The following SPOCK1 variants were observed in gnomAD, a reference collection of about 807,000 sequenced individuals.
SPOCK1 encodes SPARC (osteonectin), cwcv and kazal like domains proteoglycan 1.
Under a neutral mutation model 55.3 loss-of-function variants are expected in SPOCK1, and 23 were observed. The observed-to-expected ratio is 0.42, with a 90% CI of 0.30 to 0.59. The LOEUF is 0.59. Among genes scored for constraint, SPOCK1 ranks in the 20% least tolerant of loss-of-function variants. The probability of loss-of-function intolerance (pLI) is 0.22; values close to 1 mark genes in which losing one functional copy is unlikely to be tolerated. For synonymous variants in SPOCK1, 226 were observed against 221.0 expected (o/e 1.02, Z -0.20); for missense variants, 499 against 552.5 (o/e 0.90, Z 0.97).
At chr5:137,384,535 T>C (rs932962071) in intron 2 of SPOCK1, among the ~76,000 whole-genome samples, 1 of 150,958 alleles carries the variant, frequency 6.6e-6, no homozygotes, top group Admixed American at 6.6e-5. Context: ...TGCATGCATA[T>C]GTATATATAC....
At chr5:137,286,955 G>A (rs77663885) in intron 2 of SPOCK1, among the ~76,000 whole-genome samples, 8,604 of 152,242 alleles carry the variant, frequency 0.057, 399 homozygotes, top group African/African-American at 0.12. Flanking sequence ...CTTTACAAGA[G>A]CTTATTAAAA....
At chr5:137,432,513 ATGC>A (rs1752769701) in intron 2 of SPOCK1, among the ~76,000 whole-genome samples, 2 of 152,226 alleles carry the variant, frequency 1.3e-5, no homozygotes, top group Non-Finnish European at 2.9e-5. Context: ...ACAAAGACAG[ATGC>A]TGTTAGGATT....
At chr5:137,363,198 C>T (rs1017476269) in intron 2 of SPOCK1, among the ~76,000 whole-genome samples, 1 of 152,192 alleles carries the variant, frequency 6.6e-6, no homozygotes, top group Admixed American at 6.5e-5. Flanking sequence ...TAAGTACCTA[C>T]CTAGCTCTCC....
At chr5:137,082,262 G>C (rs1456075562) in intron 5 of SPOCK1, among the ~76,000 whole-genome samples, 1 of 152,260 alleles carries the variant, frequency 6.6e-6, no homozygotes, top group Non-Finnish European at 1.5e-5. Flanking sequence ...GACATCTGAT[G>C]TGGGAAGGCA....
At chr5:137,275,899 T>C (rs927252221) in intron 2 of SPOCK1, among the ~76,000 whole-genome samples, 8 of 152,130 alleles carry the variant, frequency 5.3e-5, no homozygotes, top group African/African-American at 1.9e-4. Flanking sequence ...ACAACTCCCC[T>C]CTCCTCTGCC....
intron 2 of SPOCK1, among the ~76,000 whole-genome samples, chr5:137,436,666 T>G (rs546831281): frequency 6.6e-6 from 1 of 152,270 alleles, no homozygotes; most frequent in East Asian, 1.9e-4. Flanking sequence ...GAGATGCTGA[T>G]TGGAATGGGG....
At chr5:137,472,698 G>A (rs1753759913) in intron 2 of SPOCK1, among the ~76,000 whole-genome samples, 1 of 152,128 alleles carries the variant, frequency 6.6e-6, no homozygotes, top group African/African-American at 2.4e-5. Flanking sequence ...GCGTAACACA[G>A]GGAACAACCC....
intron 6 of SPOCK1, among the ~76,000 whole-genome samples, chr5:137,066,987 C>CACACACAGAGAGAGAG (rs1343691789): frequency 8.6e-5 from 12 of 139,660 alleles, no homozygotes; most frequent in Admixed American, 1.5e-4. Context: ...CACACACACA[C>CACACACAGAGAGAGAG]AGAGAGAGAG....
At chr5:137,497,614 G>T (rs1470092626) in intron 2 of SPOCK1, among the ~76,000 whole-genome samples, 2 of 152,174 alleles carry the variant, frequency 1.3e-5, no homozygotes, top group Non-Finnish European at 2.9e-5. Context: ...CACCTGGGGA[G>T]TGGCAGCCAG....
At chr5:137,198,177 A>T (rs1000270638) in intron 3 of SPOCK1, among the ~76,000 whole-genome samples, 1 of 152,256 alleles carries the variant, frequency 6.6e-6, no homozygotes, top group Admixed American at 6.5e-5. Flanking sequence ...ATTCTATTCT[A>T]TAAAAGTATC....
intron 3 of SPOCK1, among the ~76,000 whole-genome samples, chr5:137,189,670 T>C (rs949004333): frequency 6.6e-6 from 1 of 152,212 alleles, no homozygotes; most frequent in African/African-American, 2.4e-5. Flanking sequence ...ACCCTTTTTG[T>C]AGGCCACGGA....
intron 2 of SPOCK1, among the ~76,000 whole-genome samples, chr5:137,434,752 C>A (rs1016569914): frequency 6.6e-6 from 1 of 151,952 alleles, no homozygotes; most frequent in Non-Finnish European, 1.5e-5. Context: ...CTGCCCGCCT[C>A]GGCCTCCCAA....
At chr5:137,376,572 T>G (rs1751323341) in intron 2 of SPOCK1, among the ~76,000 whole-genome samples, 1 of 152,210 alleles carries the variant, frequency 6.6e-6, no homozygotes, top group African/African-American at 2.4e-5. Flanking sequence ...GGAAATTATA[T>G]CCACCATACA....
At chr5:137,326,691 A>G (rs1333946404) in intron 2 of SPOCK1, among the ~76,000 whole-genome samples, 1 of 152,248 alleles carries the variant, frequency 6.6e-6, no homozygotes, top group Non-Finnish European at 1.5e-5. Flanking sequence ...AGAATGTGCC[A>G]AGATCTTGTT....
intron 3 of SPOCK1, among the ~76,000 whole-genome samples, chr5:137,215,222 T>C (rs1269058330): frequency 1.3e-5 from 2 of 152,222 alleles, no homozygotes; most frequent in Non-Finnish European, 2.9e-5. Flanking sequence ...AAAACAGGTA[T>C]ATTCCTTCCA....
At chr5:137,037,707 AC>A (rs1751910909) in intron 6 of SPOCK1, among the ~76,000 whole-genome samples, 1 of 152,132 alleles carries the variant, frequency 6.6e-6, no homozygotes, top group Non-Finnish European at 1.5e-5. Flanking sequence ...GGAGTCGCTA[AC>A]CTAAAAAAAA....
intron 6 of SPOCK1, among the ~76,000 whole-genome samples, chr5:136,999,679 G>T (rs1301759683): frequency 6.6e-6 from 1 of 152,156 alleles, no homozygotes. Context: ...TGGGAGATGA[G>T]ATAAAAAATG....
intron 3 of SPOCK1, among the ~76,000 whole-genome samples, chr5:137,148,371 C>T (rs994199789): frequency 6.6e-5 from 10 of 152,200 alleles, no homozygotes; most frequent in Non-Finnish European, 1.2e-4. Context: ...GAGGGGTCTG[C>T]CAGAGCAGCT....
intron 5 of SPOCK1, among the ~76,000 whole-genome samples, chr5:137,071,331 T>C (rs569891406): frequency 3.0e-4 from 46 of 152,230 alleles, no homozygotes; most frequent in African/African-American, 1.1e-3. Context: ...ACAGGCTATT[T>C]AGAGATACAG....
Sources: allele counts gnomAD v4.1 joint callset (sites outside exome capture counted in the v4.1 genomes callset), GRCh38; gene constraint gnomAD v4.1.1; transcripts MANE v1.5; gene names NCBI Gene and HGNC (gene_info 2026-07-23, HGNC 2026-07-21).